The following SNX5 variants were observed in gnomAD, a reference collection of about 807,000 sequenced individuals.
The protein encoded by SNX5 is sorting nexin 5.
A neutral mutation model predicts 53.9 loss-of-function variants in SNX5; 31 were observed. That is an observed-to-expected ratio of 0.58 (90% CI 0.43 to 0.78). The LOEUF (loss-of-function observed/expected upper bound fraction) is 0.78, where lower values mean the gene tolerates loss of function less well. SNX5 is among the 30% of genes least tolerant of loss of function. The pLI is 0.00. For missense variants in SNX5, 471 were observed against 478.8 expected (o/e 0.98, Z 0.15); for synonymous variants, 168 against 171.1 (o/e 0.98, Z 0.14).
intron 8 of SNX5, 145 bp downstream of exon 8, chr20:17,949,987 A>T: frequency 3.1e-6 from 2 of 642,340 alleles, no homozygotes; most frequent in Non-Finnish European, 5.4e-6. Context: ...TCCAGAGAAC[A>T]TGTAAGATGA....
chr20:17,961,578 C>T, intron 1 of SNX5: 1 of 980,654 alleles, frequency 1.0e-6, no homozygotes, highest in East Asian at 1.2e-4. Flanking sequence ...CTGTATTTTC[C>T]TATTTGAATA....
chr20:17,960,217 T>C (rs1218710562), intron 1 of SNX5, among the ~76,000 whole-genome samples: 1 of 152,190 alleles, frequency 6.6e-6, no homozygotes, highest in Admixed American at 6.5e-5. Context: ...TCCCAGCAAT[T>C]TGGGATGCCA....
At chr20:17,964,211 T>C (rs931677688) in intron 1 of SNX5, among the ~76,000 whole-genome samples, 2 of 152,152 alleles carry the variant, frequency 1.3e-5, no homozygotes, top group Non-Finnish European at 2.9e-5. Flanking sequence ...GCGGTGCTCT[T>C]GAAAGAAAAA....
At chr20:17,945,444 A>G (rs913442866) in intron 11 of SNX5, 2 of 152,240 alleles carry the variant, frequency 1.3e-5, no homozygotes, top group African/African-American at 4.8e-5. Flanking sequence ...TATAGGATAT[A>G]ATCAATGTGG....
chr20:17,967,930 GCC>G (rs113081363), intron 1 of SNX5: 1 of 355,708 alleles, frequency 2.8e-6, no homozygotes, highest in Non-Finnish European at 5.0e-6. Flanking sequence ...AGTTGTTTGG[GCC>G]CCCCCCCCAA....
Position 17,942,272 on chromosome 20 carries a change from A to C in SNX5, c.*85T>G, listed in dbSNP as rs2039427314. On this transcript the variant is annotated 3_prime_UTR_variant, in exon 13 of 13. Transcript: ENST00000377759. ...TAATTTTAAACTAAAGTTGAAGCTA[A>C]TATATCTTCCGTGGTAATGATTTAA... 1 of 841,552 alleles carries C rather than the reference A, an allele frequency of 1.2e-6. No homozygotes were observed. The highest frequency in any genetic ancestry group is 2.1e-6 in the Non-Finnish European group (1 of 486,686). 52.1% of individuals were successfully genotyped at this position (841,552 alleles called of 1,614,324 possible). A position where few individuals can be genotyped will look rare whatever the true frequency, so the allele number is the denominator to read the frequency against.
At chr20:17,952,959 T>A (rs2039591094) in intron 4 of SNX5, among the ~76,000 whole-genome samples, 2 of 152,268 alleles carry the variant, frequency 1.3e-5, no homozygotes, top group African/African-American at 4.8e-5. Flanking sequence ...CATGAGCTCC[T>A]AAATCTACAT....
chr20:17,951,273 T>C (rs761996637), intron 6 of SNX5: 11 of 489,418 alleles, frequency 2.2e-5, no homozygotes, highest in Non-Finnish European at 2.2e-5. Context: ...AAGGAGAAAA[T>C]GAAGCCAAGT....
intron 1 of SNX5, chr20:17,967,964 T>C (rs2035583177): frequency 5.1e-6 from 2 of 394,088 alleles, no homozygotes; most frequent in Non-Finnish European, 8.9e-6. Context: ...CAGTAAAAGG[T>C]GGGGGGAAGG....
At chr20:17,959,192 G>A (rs2035410682) in intron 1 of SNX5, among the ~76,000 whole-genome samples, 2 of 152,180 alleles carry the variant, frequency 1.3e-5, no homozygotes. Flanking sequence ...AGGACCCAAG[G>A]GGGATGTAAT....
At position 17,943,168 on chromosome 20, in the gene SNX5, A is replaced by G. The variant is rs1213057977; in HGVS notation, c.1106T>C (p.Val369Ala). The G allele has an allele frequency of 6.2e-7, 1 of 1,609,866 alleles. No individual in the cohort carries two copies. Among genetic ancestry groups the G allele is most frequent in the Non-Finnish European group, 8.5e-7 (1 of 1,176,350 alleles). Residue 369 changes from valine (V) to alanine (A), a missense_variant, in exon 12 of 13, where the codon GTG becomes GCG. By Grantham distance (64) the Val-to-Ala change is moderately conservative (BLOSUM62 0). Transcript: ENST00000377759. Reference protein sequence around the residue: ...EELINFKRKRVAAFRKNLIEM... With the variant: ...EELINFKRKRAAAFRKNLIEM... ...AATTAGATTCTTTCTAAATGCTGCC[A>G]CTCTCTTCCGTTTGAAATTTATCAG...
chr20:17,950,220 G>A lies in SNX5; in HGVS notation c.716-13C>T, dbSNP rs1265261619. ...TCATCGGCAACATCTGCAGAAACAAGGACAAGTCTTTTTATCCAAACACAG... is the reference window on the plus strand; with the variant it reads ...TCATCGGCAACATCTGCAGAAACAAAGACAAGTCTTTTTATCCAAACACAG... On this transcript the variant is annotated splice_polypyrimidine_tract_variant and intron_variant, in intron 7 of 12. Coordinates refer to ENST00000377759, the MANE Select transcript of SNX5 (RefSeq NM_014426.4). 3.7e-6 allele frequency: 6 copies of A among 1,614,010 alleles called. No homozygotes were observed. Among genetic ancestry groups the A allele is most frequent in the East Asian group, 4.5e-5 (2 of 44,894 alleles).
chr20:17,965,914 T>C (rs540604575), intron 1 of SNX5, among the ~76,000 whole-genome samples: 5 of 152,092 alleles, frequency 3.3e-5, no homozygotes, highest in South Asian at 2.1e-4. Context: ...ATGGTATTGG[T>C]CAAAGTTCAG....
intron 1 of SNX5, among the ~76,000 whole-genome samples, chr20:17,958,448 C>T (rs2035398447): frequency 6.6e-6 from 1 of 152,046 alleles, no homozygotes; most frequent in South Asian, 2.1e-4. Context: ...CTCCCTTTTT[C>T]CTTAAGCACT....
rs2039429117 is a variant in SNX5, at chr20:17,942,355, T to C, written c.*2A>G. ...ATTTCTTTTCTTCTGAGTGAAGGCATATCAGTTATTCTTGAACAAGTCAAT... is the reference window on the plus strand; with the variant it reads ...ATTTCTTTTCTTCTGAGTGAAGGCACATCAGTTATTCTTGAACAAGTCAAT... On this transcript the variant is annotated 3_prime_UTR_variant, in exon 13 of 13. Transcript: ENST00000377759. 1 of 1,592,324 alleles carries C rather than the reference T, an allele frequency of 6.3e-7. No individual in the cohort carries two copies. The highest frequency in any genetic ancestry group is 1.3e-5 in the African/African-American group (1 of 74,530).
chr20:17,954,451 A>G (rs1343194928), intron 3 of SNX5, among the ~76,000 whole-genome samples: 5 of 152,144 alleles, frequency 3.3e-5, no homozygotes, highest in Non-Finnish European at 7.3e-5. Context: ...ATGAGCCATC[A>G]AGATTATAAA....
chr20:17,954,209 A>T, intron 3 of SNX5, 92 bp from the exon 4 acceptor site: 1 of 1,555,938 alleles, frequency 6.4e-7, no homozygotes, highest in Non-Finnish European at 8.7e-7. Context: ...TCCACAGGAG[A>T]CAACCACTCC....
rs780938519 is a variant in SNX5 at position 17,942,414 on chromosome 20, G to A, written c.1165-7C>T. On this transcript the variant is annotated splice_region_variant and splice_polypyrimidine_tract_variant and intron_variant, in intron 12 of 12. Coordinates refer to ENST00000377759, the MANE Select transcript of SNX5 (RefSeq NM_014426.4). Reference sequence around the variant, plus strand: ...GCAAAAGGGAGACATTGTTCTGTGGGGAAAAAAGGCAAGGCAGACCAGTGA... The same window carrying A: ...GCAAAAGGGAGACATTGTTCTGTGGAGAAAAAAGGCAAGGCAGACCAGTGA... The A allele has an allele frequency of 6.2e-6, 10 of 1,608,838 alleles. No homozygotes were observed. The African/African-American group carries it at 1.3e-4, about 22-fold the overall frequency.
chr20:17,947,723 C>T, intron 10 of SNX5, 78 bp from the exon 11 acceptor site: 1 of 1,257,148 alleles, frequency 8.0e-7, no homozygotes, highest in East Asian at 2.5e-5. Context: ...AATGTACCAC[C>T]TGAGATGTTA....
Sources: gnomAD v4.1 joint callset for allele counts (sites outside exome capture counted in the v4.1 genomes callset) on GRCh38, gnomAD v4.1.1 for gene constraint, MANE v1.5 for transcripts, NCBI Gene and HGNC (gene_info 2026-07-23, HGNC 2026-07-21) for gene names.